Variants in MYO16 observed in about 807,000 individuals in gnomAD.
MYO16 encodes myosin XVI.
In MYO16, 94 loss-of-function variants were observed where a neutral mutation model predicts 205.3. The observed-to-expected ratio is 0.46, with a 90% CI of 0.39 to 0.54. The LOEUF is 0.54. Ranked by LOEUF, MYO16 falls within the 20% of genes least tolerant of loss-of-function variation. The probability of loss-of-function intolerance (pLI) is 0.00; values close to 1 mark genes in which losing one functional copy is unlikely to be tolerated. For missense variants in MYO16, 2,315 were observed against 2,387.5 expected (o/e 0.97, Z 0.63); for synonymous variants, 988 against 954.0 (o/e 1.04, Z -0.66).
intron 16 of MYO16, among the ~76,000 whole-genome samples, chr13:108,931,883 C>T (rs1167240117): frequency 1.3e-5 from 2 of 152,198 alleles, no homozygotes; most frequent in Non-Finnish European, 2.9e-5. Context: ...AATTGTTGGC[C>T]ATGATCCTTG....
intron 2 of MYO16, among the ~76,000 whole-genome samples, chr13:108,682,418 A>G (rs916375057): frequency 3.3e-5 from 5 of 150,978 alleles, no homozygotes; most frequent in African/African-American, 1.2e-4. Context: ...GCTGCATGGA[A>G]TTCCCAGGGA....
chr13:108,675,948 G>A (rs767861929), intron 2 of MYO16, among the ~76,000 whole-genome samples: 2 of 152,142 alleles, frequency 1.3e-5, no homozygotes, highest in African/African-American at 2.4e-5. Context: ...GTAAGTGCTC[G>A]TGAAGGTTAG....
chr13:109,001,232 A>C (rs1309364465), intron 21 of MYO16, among the ~76,000 whole-genome samples: 1 of 151,446 alleles, frequency 6.6e-6, no homozygotes, highest in Non-Finnish European at 1.5e-5. Flanking sequence ...TAGAAGGGTG[A>C]AAAAAGAAAT....
At chr13:109,013,257 G>A (rs930778940) in intron 22 of MYO16, among the ~76,000 whole-genome samples, 1 of 151,822 alleles carries the variant, frequency 6.6e-6, no homozygotes, top group African/African-American at 2.4e-5. Context: ...CAGAGTGATG[G>A]TTTCCAGATT....
At chr13:108,864,939 A>T (rs1247162852) in intron 11 of MYO16, among the ~76,000 whole-genome samples, 1 of 152,138 alleles carries the variant, frequency 6.6e-6, no homozygotes, top group Admixed American at 6.6e-5. Flanking sequence ...TTGTAGTAAG[A>T]GCACCAAAAC....
intron 14 of MYO16, among the ~76,000 whole-genome samples, chr13:108,892,038 C>T (rs931394052): frequency 5.9e-5 from 9 of 151,990 alleles, no homozygotes; most frequent in African/African-American, 2.2e-4. Context: ...ATATTTTATA[C>T]TTGTGAATTA....
intron 2 of MYO16, among the ~76,000 whole-genome samples, chr13:108,670,116 G>C (rs1402862360): frequency 6.6e-6 from 1 of 152,140 alleles, no homozygotes; most frequent in Non-Finnish European, 1.5e-5. Context: ...AATAATTCAT[G>C]TGAGAGGGAA....
At chr13:109,134,313 CA>C (rs35170372) in intron 31 of MYO16, among the ~76,000 whole-genome samples, 2,716 of 152,240 alleles carry the variant, frequency 0.018, 40 homozygotes, top group South Asian at 0.03. Flanking sequence ...TTGTTTAATG[CA>C]AAAAGGCTCT....
At chr13:108,974,177 G>A (rs1035291345) in intron 20 of MYO16, among the ~76,000 whole-genome samples, 1 of 152,146 alleles carries the variant, frequency 6.6e-6, no homozygotes, top group African/African-American at 2.4e-5. Flanking sequence ...ATGTATAGGT[G>A]TATCTTAATG....
At chr13:108,643,527 A>G (rs1003153142) in intron 1 of MYO16, among the ~76,000 whole-genome samples, 3 of 152,128 alleles carry the variant, frequency 2.0e-5, no homozygotes, top group Non-Finnish European at 4.4e-5. Context: ...CAAGAGTGCA[A>G]TTGCTGGGTA....
chr13:108,828,945 T>C (rs1876443913), intron 9 of MYO16, among the ~76,000 whole-genome samples: 1 of 152,210 alleles, frequency 6.6e-6, no homozygotes, highest in Non-Finnish European at 1.5e-5. Flanking sequence ...CTTGTCTTAA[T>C]TTGTATCCTT....
intron 28 of MYO16, among the ~76,000 whole-genome samples, chr13:109,107,654 T>A (rs900909552): frequency 6.6e-6 from 1 of 151,944 alleles, no homozygotes; most frequent in Non-Finnish European, 1.5e-5. Flanking sequence ...ATAAATCAAC[T>A]ATAATTACAA....
At chr13:108,791,505 A>G (rs1886614855) in intron 5 of MYO16, among the ~76,000 whole-genome samples, 1 of 152,218 alleles carries the variant, frequency 6.6e-6, no homozygotes, top group Non-Finnish European at 1.5e-5. Context: ...CGGACAAATC[A>G]AATACTATCA....
intron 20 of MYO16, among the ~76,000 whole-genome samples, chr13:108,978,302 A>G (rs372616152): frequency 6.6e-6 from 1 of 152,092 alleles, no homozygotes; most frequent in African/African-American, 2.4e-5. Context: ...CTGCCAATAC[A>G]TGTGGGAAAT....
At chr13:108,610,137 C>T (rs1879118103) in intron 1 of MYO16, among the ~76,000 whole-genome samples, 1 of 152,122 alleles carries the variant, frequency 6.6e-6, no homozygotes, top group Non-Finnish European at 1.5e-5. Context: ...CCTCTCTAGA[C>T]ATTGTTTGTC....
At chr13:108,764,038 GT>G (rs540016061) in intron 4 of MYO16, among the ~76,000 whole-genome samples, 1 of 152,082 alleles carries the variant, frequency 6.6e-6, no homozygotes, top group East Asian at 1.9e-4. Context: ...TAAATTGAGA[GT>G]TTTTTTGTGG....
At chr13:109,139,323 A>C (rs1006404507) in intron 31 of MYO16, among the ~76,000 whole-genome samples, 1 of 152,170 alleles carries the variant, frequency 6.6e-6, no homozygotes, top group Non-Finnish European at 1.5e-5. Flanking sequence ...ACTAACTATT[A>C]ATAGTTAATT....
chr13:108,710,455 A>T (rs1244998264), intron 2 of MYO16, among the ~76,000 whole-genome samples: 2 of 152,242 alleles, frequency 1.3e-5, no homozygotes, highest in African/African-American at 2.4e-5. Context: ...TTTGGAAAAC[A>T]TTCAGAATAG....
chr13:109,178,860 A>G (rs1482958612), intron 33 of MYO16, among the ~76,000 whole-genome samples: 2 of 152,206 alleles, frequency 1.3e-5, no homozygotes, highest in Non-Finnish European at 2.9e-5. Flanking sequence ...AGGCTGGGAA[A>G]CTGCTTTGAT....
Sources: allele counts gnomAD v4.1 joint callset (sites outside exome capture counted in the v4.1 genomes callset), GRCh38; gene constraint gnomAD v4.1.1; transcripts MANE v1.5; gene names NCBI Gene and HGNC (gene_info 2026-07-23, HGNC 2026-07-21).